LRIF1: variants seen among roughly 807,000 people sequenced by gnomAD.
LRIF1 encodes the protein ligand-dependent nuclear receptor-interacting factor 1.
Under a neutral mutation model 52.7 loss-of-function variants are expected in LRIF1, and 32 were observed. The ratio of observed to expected loss-of-function variants is 0.61; its 90% CI spans 0.46 to 0.82. The LOEUF (loss-of-function observed/expected upper bound fraction) is 0.82. LRIF1 is among the 40% of genes least tolerant of loss of function. The pLI, the probability that LRIF1 is intolerant of heterozygous loss-of-function variation, is 0.00. For missense variants in LRIF1, 887 were observed against 892.0 expected (o/e 0.99, Z 0.07); for synonymous variants, 323 against 317.4 (o/e 1.02, Z -0.19).
At chr1:110,930,315 T>A in the LRIF1 span, among the ~76,000 whole-genome samples, 1 of 152,216 alleles carries the variant, frequency 6.6e-6, no homozygotes, top group Non-Finnish European at 1.5e-5. Context: ...ATTGTAATAG[T>A]CTGCTCAAGC....
Position 110,949,885 on chromosome 1 carries a change from G to C in LRIF1, c.1835C>G (p.Thr612Arg). Residue 612 changes from threonine to arginine, a missense_variant, in exon 3 of 4, where the codon ACA (threonine) becomes AGA (arginine). Physicochemically the swap from Thr to Arg is moderately conservative, Grantham distance 71. Transcript: ENST00000369763. The stretch of plus-strand genomic sequence containing the variant: ...CTCTCCTTCCTTCACCATAAACTCT[G>C]TCTCTTTGTAAGTACCACTCTTTAC... The part of the protein sequence containing the change: ...SLVKSGTYKE[T>R]EFMVKEGERK... 6.2e-7 allele frequency: 1 copy of C among 1,613,960 alleles called. No homozygotes were observed. The highest frequency in any genetic ancestry group is 1.7e-4 in the Middle Eastern group (1 of 6,060).
At chr1:110,891,733 C>T in the LRIF1 span, among the ~76,000 whole-genome samples, 2 of 152,192 alleles carry the variant, frequency 1.3e-5, no homozygotes, top group Non-Finnish European at 2.9e-5. Context: ...CTACTCGTAG[C>T]TAACATATAT....
chr1:110,896,639 G>A, the LRIF1 span: 55 of 1,610,422 alleles, frequency 3.4e-5, no homozygotes, highest in Middle Eastern at 1.6e-4. Flanking sequence ...TCATTTTGGG[G>A]GTTTGGCTTT....
chr1:110,916,996 C>T, the LRIF1 span, among the ~76,000 whole-genome samples: 1 of 152,312 alleles, frequency 6.6e-6, no homozygotes, highest in East Asian at 1.9e-4. Context: ...GATAGTGAAA[C>T]TGCAGTCATG....
the LRIF1 span, among the ~76,000 whole-genome samples, chr1:110,921,072 A>C: frequency 6.6e-6 from 1 of 152,212 alleles, no homozygotes; most frequent in Non-Finnish European, 1.5e-5. Flanking sequence ...AACCAGAATC[A>C]TGTTTATGAA....
Position 110,952,389 on chromosome 1 carries a change from A to G in LRIF1, c.495T>C (p.Val165=), listed in dbSNP as rs1557839956. ...STQKDSSFIV[V]NTQSLPVTVK... ...CAGTCACTGGAAGACTCTGGGTATTAACTACAATAAAAGATGAGTCTTTTT... is the reference window on the plus strand; with the variant it reads ...CAGTCACTGGAAGACTCTGGGTATTGACTACAATAAAAGATGAGTCTTTTT... Residue 165 remains valine, a synonymous_variant, in exon 2 of 4, where the codon GTT becomes GTC. Transcript: ENST00000369763. The G allele has an allele frequency of 1.9e-6, 3 of 1,613,694 alleles. No homozygotes were observed. The highest frequency in any genetic ancestry group is 2.5e-6 in the Non-Finnish European group (3 of 1,179,686).
the LRIF1 span, among the ~76,000 whole-genome samples, chr1:110,882,432 A>G: frequency 2.6e-5 from 4 of 152,020 alleles, no homozygotes; most frequent in Non-Finnish European, 4.4e-5. Context: ...TTCTCTTGAT[A>G]TATTTATTTA....
rs753718760 is a variant in LRIF1, at chr1:110,951,436, C to T, written c.1448G>A (p.Ser483Asn). The part of the protein sequence containing the change: ...FTNPIFPVGF[S>N]TGHNAPRKVT... Reference sequence around the variant, plus strand: ...TTTTCTGGGGGCATTGTGTCCTGTACTAAATCCAACTGGAAAGATTGGATT... The same window carrying T: ...TTTTCTGGGGGCATTGTGTCCTGTATTAAATCCAACTGGAAAGATTGGATT... Residue 483 changes from serine (S) to asparagine (N), a missense_variant, in exon 2 of 4, where the codon AGT (serine) becomes AAT (asparagine). Coordinates refer to ENST00000369763, the MANE Select transcript of LRIF1 (RefSeq NM_018372.4). 4 of 1,614,100 alleles carry T rather than the reference C, an allele frequency of 2.5e-6. No homozygotes were observed. The East Asian group carries it at 8.9e-5, about 36-fold the overall frequency.
At chr1:110,906,454 A>G in the LRIF1 span, among the ~76,000 whole-genome samples, 4 of 152,136 alleles carry the variant, frequency 2.6e-5, no homozygotes, top group Non-Finnish European at 4.4e-5. Context: ...TGAGGCAGGA[A>G]GATCACTTGA....
chr1:110,928,512 C>G, the LRIF1 span, among the ~76,000 whole-genome samples: 1 of 152,060 alleles, frequency 6.6e-6, no homozygotes, highest in African/African-American at 2.4e-5. Context: ...AATGTCTCTC[C>G]CTTTGTGTGT....
chr1:110,918,005 G>C, the LRIF1 span, among the ~76,000 whole-genome samples: 2 of 152,070 alleles, frequency 1.3e-5, no homozygotes, highest in African/African-American at 4.8e-5. Context: ...AAATATGTAA[G>C]ATTATCTTAA....
At chr1:110,941,289 T>C in the LRIF1 span, 1 of 152,086 alleles carries the variant, frequency 6.6e-6, no homozygotes, top group Admixed American at 6.5e-5. Context: ...TATTTCTTAA[T>C]CTGTCTACAT....
the LRIF1 span, among the ~76,000 whole-genome samples, chr1:110,918,261 A>G: frequency 2.0e-5 from 3 of 152,156 alleles, no homozygotes; most frequent in Non-Finnish European, 4.4e-5. Context: ...GTGTGCTGTC[A>G]CTAATACTCA....
chr1:110,898,510 G>GA, the LRIF1 span, among the ~76,000 whole-genome samples: 34 of 151,956 alleles, frequency 2.2e-4, no homozygotes, highest in African/African-American at 7.5e-4. Context: ...CAGCTGGTCT[G>GA]AAAAATACGA....
At chr1:110,955,136 TC>T (rs1553211084) in intron 1 of LRIF1, among the ~76,000 whole-genome samples, 1 of 152,216 alleles carries the variant, frequency 6.6e-6, no homozygotes, top group Admixed American at 6.5e-5. Context: ...CCCATCCTAA[TC>T]CCCCCAAGTT....
chr1:110,951,245 T>C (rs1428630452), intron 2 of LRIF1, 43 bp downstream of exon 2: 5 of 1,487,508 alleles, frequency 3.4e-6, no homozygotes, highest in Non-Finnish European at 3.6e-6. Context: ...CAAACTTTTC[T>C]ATATAGATAT....
the LRIF1 span, among the ~76,000 whole-genome samples, chr1:110,929,923 T>A: frequency 6.6e-6 from 1 of 152,190 alleles, no homozygotes. Flanking sequence ...TCTCAGCACC[T>A]GGGTGACGAA....
downstream of LRIF1, among the ~76,000 whole-genome samples, chr1:110,945,969 G>T (rs1254622393): frequency 3.3e-5 from 5 of 152,096 alleles, no homozygotes; most frequent in Non-Finnish European, 7.4e-5. Context: ...CACAGTTATT[G>T]TATGACCCAG....
rs778110459 is a variant in LRIF1, at chr1:110,950,146, C to T, written c.1597-23G>A. On this transcript the variant is annotated intron_variant, in intron 2 of 3. Transcript: ENST00000369763. ...GATCTGGAATTAGGAAAAGAAAACA[C>T]ACAAACAATACTGCTAATTATTCAA... is the stretch of plus-strand genomic sequence containing the variant. 3.8e-6 allele frequency: 6 copies of T among 1,588,466 alleles called. No individual in the cohort carries two copies. The African/African-American group carries it at 8.1e-5, about 21-fold the overall frequency.
Sources: allele counts gnomAD v4.1 joint callset (sites outside exome capture counted in the v4.1 genomes callset), GRCh38; gene constraint gnomAD v4.1.1; transcripts MANE v1.5; gene names NCBI Gene and HGNC (gene_info 2026-07-23, HGNC 2026-07-21).